PXDC1: variants seen among roughly 807,000 people sequenced by gnomAD.
The protein encoded by PXDC1 is PX domain-containing protein 1.
PXDC1 carries 13 observed loss-of-function variants against 24.4 expected under a neutral mutation model. The observed-to-expected ratio is 0.53, with a 90% CI of 0.35 to 0.85. The LOEUF (loss-of-function observed/expected upper bound fraction) is 0.85. Among genes scored for constraint, PXDC1 ranks in the 40% least tolerant of loss-of-function variants. The pLI, the probability that PXDC1 is intolerant of heterozygous loss-of-function variation, is 0.01. For synonymous variants in PXDC1, 162 were observed against 124.9 expected (o/e 1.30, Z -1.98); for missense variants, 344 against 309.3 (o/e 1.11, Z -0.84).
chr6:3,727,506 G>T, intron 4 of PXDC1, 45 bp downstream of exon 4: 1 of 1,387,528 alleles, frequency 7.2e-7, no homozygotes. Context: ...CAAGGCAAAT[G>T]GCTCAGGACA....
rs1450666191 is a variant in PXDC1, at chr6:3,725,390, C to T, written c.579-1654G>A. Among the ~76,000 whole-genome samples the T allele has an allele frequency of 2.0e-5, 3 of 152,218 alleles. No individual in the cohort carries two copies. Among genetic ancestry groups the T allele is most frequent in the Non-Finnish European group, 4.4e-5 (3 of 68,032 alleles). ...GATGACCTCCCAGAAGCCAGGCAAT[C>T]CCTTCGCCAGCTGAGACTGTCACCT... On this transcript the variant is annotated intron_variant, in intron 4 of 4. Transcript: ENST00000380283. This position sits in a 1 kb window ranked among gnomAD's most constrained non-coding sequence, Gnocchi z 4.8.
chr6:3,727,940 G>A (rs1760107173), intron 3 of PXDC1, among the ~76,000 whole-genome samples: 1 of 152,170 alleles, frequency 6.6e-6, no homozygotes, highest in Non-Finnish European at 1.5e-5. Context: ...GCCCTTCGCT[G>A]TGGGCTTCAA....
rs1460498616 is a variant in PXDC1 at position 3,737,200 on chromosome 6, G to A, written c.349-4C>T. On this transcript the variant is annotated splice_polypyrimidine_tract_variant and splice_region_variant and intron_variant, in intron 2 of 4. Coordinates refer to ENST00000380283, the MANE Select transcript of PXDC1 (RefSeq NM_183373.4). This position sits in a 1 kb window ranked among gnomAD's most constrained non-coding sequence, Gnocchi z 5.5. ...GCACAACTTCCGATCTAGAATACTG[G>A]GGAGAAATGCAGGGATTACTAAAAA... 1.3e-6 allele frequency: 2 copies of A among 1,581,764 alleles called. No homozygotes were observed. The highest frequency in any genetic ancestry group is 2.7e-5 in the African/African-American group (2 of 74,362).
At position 3,723,569 on chromosome 6, in the gene PXDC1, A is replaced by C. The variant is rs1759988573; in HGVS notation, c.*50T>G. 1 of 1,369,810 alleles carries C rather than the reference A, an allele frequency of 7.3e-7. No homozygotes were observed. The highest frequency in any genetic ancestry group is 1.0e-6 in the Non-Finnish European group (1 of 959,176). 84.9% of individuals were successfully genotyped at this position (1,369,810 alleles called of 1,614,324 possible). On this transcript the variant is annotated 3_prime_UTR_variant, in exon 5 of 5. Coordinates refer to ENST00000380283, the MANE Select transcript of PXDC1 (RefSeq NM_183373.4). ...CATGGGGGCCAGCACAGTGGACAGC[A>C]TCAGAGCTGGCAGTGAACAGCTGAG... is the stretch of plus-strand genomic sequence containing the variant.
At chr6:3,746,447 G>A (rs1056861764) in intron 1 of PXDC1, among the ~76,000 whole-genome samples, 3 of 152,178 alleles carry the variant, frequency 2.0e-5, no homozygotes, top group Admixed American at 1.3e-4. Flanking sequence ...CCCAGTGCAG[G>A]GTGACTTGGC....
intron 1 of PXDC1, among the ~76,000 whole-genome samples, chr6:3,740,747 T>C (rs1267895013): frequency 6.6e-6 from 1 of 152,220 alleles, no homozygotes; most frequent in Non-Finnish European, 1.5e-5. Flanking sequence ...AGGCTCATGA[T>C]GGGGCAAAGC....
In PXDC1 at chr6:3,725,854, A is replaced by G. The variant is rs1382502981; in HGVS notation, c.578+1697T>C. Among the ~76,000 whole-genome samples the G allele has an allele frequency of 6.6e-6, 1 of 152,150 alleles. No individual in the cohort carries two copies. The highest frequency in any genetic ancestry group is 2.4e-5 in the African/African-American group (1 of 41,442). On this transcript the variant is annotated intron_variant, in intron 4 of 4. Transcript: ENST00000380283. This position sits in a 1 kb window ranked among gnomAD's most constrained non-coding sequence, Gnocchi z 4.8. ...CTCCCTCCAGATGCTCCCGAGCCCC[A>G]TGGCGGCAGGCGTTTCTTTGTTAGG... is the stretch of plus-strand genomic sequence containing the variant.
chr6:3,743,118 C>G (rs965474043), intron 1 of PXDC1, among the ~76,000 whole-genome samples: 9 of 152,286 alleles, frequency 5.9e-5, no homozygotes, highest in Non-Finnish European at 8.8e-5. Flanking sequence ...TCAACACTTG[C>G]GGTAACTGGC....
rs1256302890 is a variant in PXDC1 at position 3,725,707 on chromosome 6, C to T, written c.578+1844G>A. On this transcript the variant is annotated intron_variant, in intron 4 of 4. Coordinates refer to ENST00000380283, the MANE Select transcript of PXDC1 (RefSeq NM_183373.4). The surrounding 1 kb of genome is among the most constrained non-coding windows in gnomAD (Gnocchi z 4.8). ...CTCTTGGTCGCTGTCAACCCCCCAC[C>T]CGACAGCCGGTGCCGTGTAGAAACA... 6.6e-6 allele frequency among the ~76,000 whole-genome samples: 1 copy of T among 152,212 alleles called. No homozygotes were observed.
At chr6:3,750,458 C>T (rs553346334) in intron 1 of PXDC1, among the ~76,000 whole-genome samples, 4 of 152,124 alleles carry the variant, frequency 2.6e-5, no homozygotes, top group South Asian at 2.1e-4. Context: ...CTCGGCCTGC[C>T]CCCTCCACCC....
chr6:3,750,839 C>T (rs1238586089), intron 1 of PXDC1, among the ~76,000 whole-genome samples: 3 of 152,168 alleles, frequency 2.0e-5, no homozygotes, highest in African/African-American at 4.8e-5. Context: ...CCGACGCGAC[C>T]CCCGGCTCGG....
intron 3 of PXDC1, among the ~76,000 whole-genome samples, chr6:3,731,016 T>C (rs1439055859): frequency 6.6e-6 from 1 of 152,218 alleles, no homozygotes; most frequent in African/African-American, 2.4e-5. Flanking sequence ...AGATGATGTA[T>C]GTAAAGAATC....
At chr6:3,745,555 A>G (rs139989826) in intron 1 of PXDC1, among the ~76,000 whole-genome samples, 10 of 152,210 alleles carry the variant, frequency 6.6e-5, no homozygotes, top group Admixed American at 2.0e-4. Context: ...CTGGGTCCAA[A>G]GCCAGTGCTT....
intron 3 of PXDC1, among the ~76,000 whole-genome samples, chr6:3,734,762 A>C (rs1760277470): frequency 6.6e-6 from 1 of 151,810 alleles, no homozygotes; most frequent in Admixed American, 6.5e-5. Flanking sequence ...TCAAAATACA[A>C]ATGACATTCT....
intron 1 of PXDC1, among the ~76,000 whole-genome samples, chr6:3,744,822 C>T (rs1289060541): frequency 3.9e-5 from 6 of 152,318 alleles, no homozygotes; most frequent in South Asian, 2.1e-4. Flanking sequence ...CTTAGCCTCC[C>T]GAGCAGCTGG....
intron 1 of PXDC1, among the ~76,000 whole-genome samples, chr6:3,741,366 G>C (rs1349772689): frequency 6.6e-6 from 1 of 152,206 alleles, no homozygotes; most frequent in African/African-American, 2.4e-5. Flanking sequence ...ATTTAGATGG[G>C]GAAAGTGAAG....
chr6:3,738,470 T>C (rs559555345), intron 1 of PXDC1, among the ~76,000 whole-genome samples: 4 of 152,240 alleles, frequency 2.6e-5, no homozygotes, highest in Admixed American at 6.5e-5. Flanking sequence ...CAGCCAGAGC[T>C]CAGCCCAGGG....
intron 1 of PXDC1, among the ~76,000 whole-genome samples, chr6:3,750,029 T>C (rs1034324112): frequency 2.0e-5 from 3 of 152,222 alleles, no homozygotes; most frequent in Non-Finnish European, 4.4e-5. Context: ...CAGCTATAAA[T>C]GTGAGGCTCT....
At chr6:3,738,241 GGTC>G in intron 1 of PXDC1, 93 bp from the exon 2 acceptor site, 2 of 924,384 alleles carry the variant, frequency 2.2e-6, no homozygotes, top group South Asian at 2.7e-5. Context: ...AAACCGCCAG[GGTC>G]GTCATCTGTA....
Sources: allele counts gnomAD v4.1 joint callset (sites outside exome capture counted in the v4.1 genomes callset), GRCh38; gene constraint gnomAD v4.1.1; non-coding constraint Gnocchi (gnomAD v3.1); transcripts MANE v1.5; gene names NCBI Gene and HGNC (gene_info 2026-07-23, HGNC 2026-07-21).